Variants in FUT9 observed in about 807,000 individuals in gnomAD.
FUT9 encodes 4-galactosyl-N-acetylglucosaminide 3-alpha-L-fucosyltransferase 9.
Under a neutral mutation model 29.7 loss-of-function variants are expected in FUT9, and 15 were observed. The ratio of observed to expected loss-of-function variants is 0.51; its 90% CI spans 0.34 to 0.78. FUT9 has a LOEUF of 0.78. Ranked by LOEUF, FUT9 falls within the 30% of genes least tolerant of loss-of-function variation. The probability of loss-of-function intolerance (pLI) is 0.01; values close to 1 mark genes in which losing one functional copy is unlikely to be tolerated. For missense variants in FUT9, 319 were observed against 425.4 expected (o/e 0.75, Z 2.20); for synonymous variants, 169 against 153.7 (o/e 1.10, Z -0.74).
intron 1 of FUT9, among the ~76,000 whole-genome samples, chr6:96,081,610 G>C (rs1215297426): frequency 4.0e-5 from 6 of 151,646 alleles, no homozygotes; most frequent in Non-Finnish European, 8.9e-5. Flanking sequence ...TTGTCCTTCT[G>C]GATTAAAAAC....
At chr6:96,096,222 C>T (rs1226717851) in intron 1 of FUT9, among the ~76,000 whole-genome samples, 1 of 152,096 alleles carries the variant, frequency 6.6e-6, no homozygotes, top group Non-Finnish European at 1.5e-5. Context: ...TTCCTTGATT[C>T]CTTTCTCTCA....
In FUT9 at chr6:96,189,385, A is replaced by G. The variant is rs1773464388; in HGVS notation, c.-8-13763A>G. Among the ~76,000 whole-genome samples the G allele has an allele frequency of 2.0e-5, 3 of 151,934 alleles. No individual in the cohort carries two copies. In the East Asian group the frequency reaches 5.8e-4, roughly 30 times the overall value. On this transcript the variant is annotated intron_variant, in intron 2 of 2. Transcript: ENST00000302103. Reference sequence around the variant, plus strand: ...TTAACATTTTTTTTTTTTATCTTATAAGCAATTGGAATTCATCAACAGCCC... The same window carrying G: ...TTAACATTTTTTTTTTTTATCTTATGAGCAATTGGAATTCATCAACAGCCC...
intron 2 of FUT9, among the ~76,000 whole-genome samples, chr6:96,134,993 C>T (rs1176114872): frequency 1.4e-5 from 2 of 148,000 alleles, no homozygotes; most frequent in East Asian, 3.9e-4. Context: ...AGCTGCATGA[C>T]ACATTCAAAT....
intron 1 of FUT9, among the ~76,000 whole-genome samples, chr6:96,053,086 T>G (rs891557623): frequency 6.6e-6 from 1 of 152,088 alleles, no homozygotes; most frequent in African/African-American, 2.4e-5. Flanking sequence ...TGAATCAGAC[T>G]AATTAGCAAA....
intron 2 of FUT9, among the ~76,000 whole-genome samples, chr6:96,179,738 T>G (rs1374444237): frequency 1.6e-5 from 2 of 121,662 alleles, no homozygotes. Flanking sequence ...AAATCACTTA[T>G]TCCCAAAGAG....
chr6:96,173,649 A>C (rs968461095), intron 2 of FUT9, among the ~76,000 whole-genome samples: 2 of 152,100 alleles, frequency 1.3e-5, no homozygotes, highest in Non-Finnish European at 2.9e-5. Context: ...CAGATAAAAT[A>C]CTCTTACATC....
intron 1 of FUT9, among the ~76,000 whole-genome samples, chr6:96,059,503 G>A (rs1216312935): frequency 6.6e-6 from 1 of 152,190 alleles, no homozygotes; most frequent in Admixed American, 6.5e-5. Flanking sequence ...TTGTACATAA[G>A]CATCTACAGA....
chr6:96,172,875 G>A (rs746067186), intron 2 of FUT9, among the ~76,000 whole-genome samples: 12 of 152,114 alleles, frequency 7.9e-5, no homozygotes, highest in Non-Finnish European at 1.8e-4. Context: ...AGAGAGCCAT[G>A]TACAAACATT....
chr6:96,089,784 T>C (rs1771380369), intron 1 of FUT9, among the ~76,000 whole-genome samples: 1 of 152,150 alleles, frequency 6.6e-6, no homozygotes, highest in South Asian at 2.1e-4. Flanking sequence ...AACAGCGCTT[T>C]TAAGCTATAA....
chr6:96,115,599 G>A (rs917767936), intron 2 of FUT9, among the ~76,000 whole-genome samples: 1 of 152,166 alleles, frequency 6.6e-6, no homozygotes, highest in Non-Finnish European at 1.5e-5. Flanking sequence ...GTGCTCAGCT[G>A]TCTCATGTGG....
At chr6:96,115,914 G>A (rs1771902751) in intron 2 of FUT9, among the ~76,000 whole-genome samples, 1 of 152,020 alleles carries the variant, frequency 6.6e-6, no homozygotes, top group Non-Finnish European at 1.5e-5. Flanking sequence ...TGTAACTAAA[G>A]GAATTTGCTG....
intron 1 of FUT9, among the ~76,000 whole-genome samples, chr6:96,049,204 A>G (rs922921817): frequency 6.6e-6 from 1 of 152,138 alleles, no homozygotes; most frequent in African/African-American, 2.4e-5. Flanking sequence ...TCATCAAATC[A>G]TCTCTTCCTT....
At chr6:96,183,160 T>C (rs1341401006) in intron 2 of FUT9, among the ~76,000 whole-genome samples, 1 of 152,140 alleles carries the variant, frequency 6.6e-6, no homozygotes, top group Non-Finnish European at 1.5e-5. Context: ...TTCACCTCCT[T>C]GGTTAGGTAT....
chr6:96,177,672 A>C (rs1773228273), intron 2 of FUT9, among the ~76,000 whole-genome samples: 1 of 152,182 alleles, frequency 6.6e-6, no homozygotes, highest in African/African-American at 2.4e-5. Flanking sequence ...ACTGGGATTA[A>C]ATGAGGTAAG....
At chr6:96,145,303 G>A (rs932654873) in intron 2 of FUT9, among the ~76,000 whole-genome samples, 6 of 152,050 alleles carry the variant, frequency 3.9e-5, no homozygotes, top group Non-Finnish European at 8.8e-5. Flanking sequence ...TGATCCGCCC[G>A]CCTCGGCCTC....
At chr6:96,164,118 G>A (rs990259221) in intron 2 of FUT9, among the ~76,000 whole-genome samples, 1 of 152,132 alleles carries the variant, frequency 6.6e-6, no homozygotes, top group Admixed American at 6.5e-5. Flanking sequence ...GTTGGGGATG[G>A]GGGTTGGCCC....
intron 1 of FUT9, among the ~76,000 whole-genome samples, chr6:96,060,196 A>G (rs1207440003): frequency 2.6e-5 from 4 of 152,190 alleles, no homozygotes. Context: ...GAACAGATGC[A>G]AACTCACTTA....
At chr6:96,179,631 T>C (rs1006904924) in intron 2 of FUT9, among the ~76,000 whole-genome samples, 4 of 152,172 alleles carry the variant, frequency 2.6e-5, no homozygotes, top group African/African-American at 9.7e-5. Context: ...ACATTTGTTA[T>C]ATGCAAAGTT....
chr6:96,091,650 TAAG>T (rs908268403), intron 1 of FUT9, among the ~76,000 whole-genome samples: 29 of 152,172 alleles, frequency 1.9e-4, no homozygotes, highest in African/African-American at 6.7e-4. Context: ...TTCAGATAGT[TAAG>T]GAGAGAAACG....
Sources: gnomAD v4.1 joint callset for allele counts (sites outside exome capture counted in the v4.1 genomes callset) on GRCh38, gnomAD v4.1.1 for gene constraint, MANE v1.5 for transcripts, NCBI Gene and HGNC (gene_info 2026-07-23, HGNC 2026-07-21) for gene names.